The following EEIG1 variants were observed in gnomAD, a reference collection of about 807,000 sequenced individuals.
EEIG1 encodes the protein early estrogen-induced gene 1 protein.
the EEIG1 span, among the ~76,000 whole-genome samples, chr9:127,970,273 T>A: frequency 6.6e-6 from 1 of 152,132 alleles, no homozygotes; most frequent in Admixed American, 6.5e-5. Flanking sequence ...TGCGCCACCA[T>A]GCCCGGCTAA....
chr9:127,957,076 C>T, the EEIG1 span, among the ~76,000 whole-genome samples: 23 of 152,108 alleles, frequency 1.5e-4, no homozygotes, highest in South Asian at 1.0e-3. Flanking sequence ...GAGGCCGAGG[C>T]GGGCATGGAT....
chr9:127,956,210 C>G, the EEIG1 span, among the ~76,000 whole-genome samples: 1 of 152,170 alleles, frequency 6.6e-6, no homozygotes, highest in Admixed American at 6.5e-5. Flanking sequence ...CAACTGAGCA[C>G]CAGTGTGTGC....
chr9:127,944,694 C>A, the EEIG1 span: 1 of 1,613,064 alleles, frequency 6.2e-7, no homozygotes. Flanking sequence ...TCTGTGGGGA[C>A]ACAGGAGAGG....
At chr9:127,975,577 C>G in the EEIG1 span, among the ~76,000 whole-genome samples, 1 of 152,176 alleles carries the variant, frequency 6.6e-6, no homozygotes, top group African/African-American at 2.4e-5. Context: ...GCTACGCCAT[C>G]AGCTCCTCCT....
chr9:127,943,351 G>A, the EEIG1 span: 1 of 1,009,122 alleles, frequency 9.9e-7, no homozygotes, highest in South Asian at 1.3e-5. Flanking sequence ...CCAGCCCTGT[G>A]TTGCAAAGGG....
the EEIG1 span, among the ~76,000 whole-genome samples, chr9:127,972,284 C>T: frequency 6.6e-6 from 1 of 152,102 alleles, no homozygotes; most frequent in African/African-American, 2.4e-5. The surrounding 1 kb of genome is among the most constrained non-coding windows in gnomAD (Gnocchi z 4.3). Flanking sequence ...GCTCAGACAC[C>T]CGGTGTGCTC....
the EEIG1 span, among the ~76,000 whole-genome samples, chr9:127,946,061 G>A: frequency 2.6e-5 from 4 of 152,258 alleles, no homozygotes; most frequent in Non-Finnish European, 5.9e-5. Context: ...AGGGAGCAGT[G>A]CTTACTGGGG....
chr9:127,944,184 C>A, the EEIG1 span: 11 of 230,632 alleles, frequency 4.8e-5, no homozygotes, highest in South Asian at 4.6e-4. Flanking sequence ...TGAACCAGGC[C>A]TTCACTTAGG....
chr9:127,942,406 G>A, the EEIG1 span: 1 of 152,564 alleles, frequency 6.6e-6, no homozygotes. Flanking sequence ...TGGACCCTGG[G>A]CCTCTGACTG....
chr9:127,980,244 C>G, the EEIG1 span: 1 of 1,273,456 alleles, frequency 7.9e-7, no homozygotes, highest in African/African-American at 1.5e-5. Context: ...AGCCGGATCC[C>G]GCCCTGATGG....
chr9:127,946,467 G>A, the EEIG1 span, among the ~76,000 whole-genome samples: 1 of 152,026 alleles, frequency 6.6e-6, no homozygotes, highest in African/African-American at 2.4e-5. Flanking sequence ...ACCCCAGGCT[G>A]GCCTGTGTGC....
At chr9:127,974,469 C>T in the EEIG1 span, among the ~76,000 whole-genome samples, 10 of 152,350 alleles carry the variant, frequency 6.6e-5, no homozygotes, top group Non-Finnish European at 1.2e-4. Flanking sequence ...TTATCCCGAT[C>T]TCTTTCCTGT....
the EEIG1 span, among the ~76,000 whole-genome samples, chr9:127,958,817 C>T: frequency 6.6e-6 from 1 of 152,054 alleles, no homozygotes; most frequent in African/African-American, 2.4e-5. Flanking sequence ...ATAAAGAGCA[C>T]CCACAACTCA....
chr9:127,970,911 T>C, the EEIG1 span, among the ~76,000 whole-genome samples: 3 of 152,166 alleles, frequency 2.0e-5, no homozygotes, highest in African/African-American at 7.2e-5. Context: ...GCCATAGCAC[T>C]GATTGGATTT....
chr9:127,972,876 G>GC, the EEIG1 span, among the ~76,000 whole-genome samples: 4 of 152,140 alleles, frequency 2.6e-5, no homozygotes, highest in African/African-American at 9.7e-5. The surrounding 1 kb of genome is among the most constrained non-coding windows in gnomAD (Gnocchi z 4.3). Context: ...AGACACAGAA[G>GC]CCAGCCATAG....
the EEIG1 span, among the ~76,000 whole-genome samples, chr9:127,961,597 G>A: frequency 1.3e-5 from 2 of 152,244 alleles, no homozygotes; most frequent in African/African-American, 4.8e-5. Flanking sequence ...GGCAGTGGGT[G>A]GAAGACAGAC....
the EEIG1 span, among the ~76,000 whole-genome samples, chr9:127,950,890 C>T: frequency 6.6e-6 from 1 of 152,174 alleles, no homozygotes; most frequent in Admixed American, 6.5e-5. Context: ...CGGGAGCTGC[C>T]GGGTCAGCAG....
chr9:127,957,735 G>T, the EEIG1 span, among the ~76,000 whole-genome samples: 1 of 152,216 alleles, frequency 6.6e-6, no homozygotes, highest in Non-Finnish European at 1.5e-5. Context: ...AGAAAAGGTG[G>T]TCCTAGCATT....
the EEIG1 span, among the ~76,000 whole-genome samples, chr9:127,947,418 G>A: frequency 4.3e-4 from 65 of 152,236 alleles, no homozygotes; most frequent in African/African-American, 1.5e-3. Context: ...CCTAGCGACA[G>A]AGCAAGACTC....
Sources: allele counts gnomAD v4.1 joint callset (sites outside exome capture counted in the v4.1 genomes callset), GRCh38; gene constraint gnomAD v4.1.1; non-coding constraint Gnocchi (gnomAD v3.1); transcripts MANE v1.5; gene names NCBI Gene and HGNC (gene_info 2026-07-23, HGNC 2026-07-21).